Variants in ZNF420 observed in about 807,000 individuals in gnomAD.
ZNF420 encodes ATM and p53-associated KZNF protein.
In ZNF420, 31 loss-of-function variants were observed where a neutral mutation model predicts 44.7. The observed-to-expected ratio is 0.69, with a 90% confidence interval of 0.52 to 0.94. The LOEUF is 0.94. ZNF420 is among the 40% of genes least tolerant of loss of function. The pLI, the probability that ZNF420 is intolerant of heterozygous loss-of-function variation, is 0.00. For missense variants in ZNF420, 681 were observed against 827.9 expected (o/e 0.82, Z 2.18); for synonymous variants, 245 against 267.4 (o/e 0.92, Z 0.82).
chr19:37,041,170 A>T (rs1967445102), intron 1 of ZNF420, among the ~76,000 whole-genome samples: 1 of 152,008 alleles, frequency 6.6e-6, no homozygotes, highest in Non-Finnish European at 1.5e-5. Flanking sequence ...CTAAAAATAA[A>T]AAATTAGTTA....
intron 2 of ZNF420, among the ~76,000 whole-genome samples, chr19:37,087,466 C>T (rs1968881431): frequency 6.6e-6 from 1 of 151,960 alleles, no homozygotes; most frequent in Non-Finnish European, 1.5e-5. Flanking sequence ...AGGATGGGCC[C>T]AAGTATCTCT....
chr19:37,051,399 C>T (rs546518755), intron 1 of ZNF420, among the ~76,000 whole-genome samples: 3 of 152,216 alleles, frequency 2.0e-5, no homozygotes, highest in African/African-American at 7.2e-5. Flanking sequence ...AATTTCAGAT[C>T]CTGTTATTGG....
intron 1 of ZNF420, among the ~76,000 whole-genome samples, chr19:37,057,436 T>A (rs1419152425): frequency 2.6e-5 from 1 of 39,108 alleles, no homozygotes; most frequent in African/African-American, 1.3e-4. Flanking sequence ...GCTGTATGTC[T>A]GTGTGTGTGT....
chr19:37,067,715 A>G (rs892888927), intron 1 of ZNF420, among the ~76,000 whole-genome samples: 1 of 152,182 alleles, frequency 6.6e-6, no homozygotes, highest in Non-Finnish European at 1.5e-5. Flanking sequence ...GATGCACTTC[A>G]GGTAGAAGAA....
At chr19:37,108,854 G>A (rs1025440522) in intron 4 of ZNF420, among the ~76,000 whole-genome samples, 1 of 152,172 alleles carries the variant, frequency 6.6e-6, no homozygotes, top group African/African-American at 2.4e-5. Flanking sequence ...ACCTCGAGGT[G>A]CCCAATCTAT....
chr19:37,054,554 C>T (rs1025331127), intron 1 of ZNF420, among the ~76,000 whole-genome samples: 6 of 152,214 alleles, frequency 3.9e-5, no homozygotes, highest in Admixed American at 6.5e-5. Context: ...ACCACAGTGA[C>T]AGTAACTAGG....
At chr19:37,102,658 C>T (rs951221596) in intron 4 of ZNF420, among the ~76,000 whole-genome samples, 1 of 152,190 alleles carries the variant, frequency 6.6e-6, no homozygotes, top group South Asian at 2.1e-4. Flanking sequence ...TTGGGCTTTA[C>T]TCAAGTTTTA....
At chr19:37,124,874 T>C (rs1297183496) in intron 4 of ZNF420, among the ~76,000 whole-genome samples, 1 of 152,066 alleles carries the variant, frequency 6.6e-6, no homozygotes, top group Non-Finnish European at 1.5e-5. Context: ...TCTTGCACTG[T>C]CACCCAGGCT....
At chr19:37,049,157 A>G (rs1967595153) in intron 1 of ZNF420, among the ~76,000 whole-genome samples, 1 of 152,172 alleles carries the variant, frequency 6.6e-6, no homozygotes, top group African/African-American at 2.4e-5. Flanking sequence ...TGCTATTGTG[A>G]ATAGTGCTGC....
chr19:37,037,308 C>A (rs1013690811), intron 1 of ZNF420, among the ~76,000 whole-genome samples: 4 of 152,136 alleles, frequency 2.6e-5, no homozygotes, highest in African/African-American at 9.7e-5. Flanking sequence ...CCTTCTCAAG[C>A]GCAGGATTCA....
At chr19:37,017,025 G>A (rs185814155) in intron 1 of ZNF420, among the ~76,000 whole-genome samples, 24 of 152,252 alleles carry the variant, frequency 1.6e-4, no homozygotes, top group South Asian at 8.3e-4. Context: ...TTACTATTGT[G>A]GGGGGATATG....
At chr19:37,052,764 T>A (rs1028706930) in intron 1 of ZNF420, among the ~76,000 whole-genome samples, 2 of 152,178 alleles carry the variant, frequency 1.3e-5, no homozygotes, top group Non-Finnish European at 2.9e-5. Context: ...TTTGTGGGTA[T>A]CCCGACCTTT....
At chr19:37,098,355 C>T (rs112297770) in intron 4 of ZNF420, among the ~76,000 whole-genome samples, 78 of 152,218 alleles carry the variant, frequency 5.1e-4, no homozygotes, top group Non-Finnish European at 8.4e-4. Flanking sequence ...CCAGCAGATA[C>T]AAATGATCAT....
intron 4 of ZNF420, among the ~76,000 whole-genome samples, chr19:37,096,904 T>G (rs887321035): frequency 6.8e-6 from 1 of 147,348 alleles, no homozygotes; most frequent in Admixed American, 6.8e-5. Context: ...TTCTTATTCT[T>G]TTTTTTTTTT....
At chr19:37,042,990 G>A (rs996805563) in intron 1 of ZNF420, among the ~76,000 whole-genome samples, 10 of 152,154 alleles carry the variant, frequency 6.6e-5, no homozygotes. Flanking sequence ...TGGCTGGCCA[G>A]GGGAGCAGTC....
intron 1 of ZNF420, among the ~76,000 whole-genome samples, chr19:37,059,634 C>T (rs925421285): frequency 1.5e-4 from 23 of 152,158 alleles, no homozygotes; most frequent in Non-Finnish European, 2.8e-4. Context: ...GGGTGAGTCT[C>T]CGCAAAAGTC....
At chr19:37,053,881 C>A (rs569720714) in intron 1 of ZNF420, among the ~76,000 whole-genome samples, 2 of 152,212 alleles carry the variant, frequency 1.3e-5, no homozygotes, top group Non-Finnish European at 2.9e-5. Context: ...CTACTCTCTT[C>A]AAAGCTGTCA....
chr19:37,085,413 T>C (rs1230052675), intron 2 of ZNF420, among the ~76,000 whole-genome samples: 2 of 152,222 alleles, frequency 1.3e-5, no homozygotes, highest in Non-Finnish European at 2.9e-5. Context: ...TGACTCTTGC[T>C]AAAATCCTAT....
At chr19:37,059,438 A>G (rs1392863863) in intron 1 of ZNF420, among the ~76,000 whole-genome samples, 1 of 152,272 alleles carries the variant, frequency 6.6e-6, no homozygotes, top group Non-Finnish European at 1.5e-5. Context: ...TTGGCAAAGC[A>G]GGAGCCCTCC....
Sources: allele counts gnomAD v4.1 joint callset (sites outside exome capture counted in the v4.1 genomes callset), GRCh38; gene constraint gnomAD v4.1.1; transcripts MANE v1.5; gene names NCBI Gene and HGNC (gene_info 2026-07-23, HGNC 2026-07-21).